Variants in RAB27A observed in about 807,000 individuals in gnomAD.
RAB27A encodes RAB27A, member RAS oncogene family.
In RAB27A, 17 loss-of-function variants were observed where a neutral mutation model predicts 20.8. That is an observed-to-expected ratio of 0.82 (90% CI 0.56 to 1.23). The LOEUF is 1.23. Ranked by LOEUF, RAB27A falls within the 50% of genes most tolerant of loss-of-function variation. The pLI, the probability that RAB27A is intolerant of heterozygous loss-of-function variation, is 0.00. For synonymous variants in RAB27A, 85 were observed against 92.8 expected, an observed-to-expected ratio of 0.92 and a Z score of 0.48; for missense variants, 277 against 266.7, an observed-to-expected ratio of 1.04 and a Z score of -0.27.
chr15:55,206,462 T>C (rs1894657186), intron 6 of RAB27A, among the ~76,000 whole-genome samples: 1 of 152,056 alleles, frequency 6.6e-6, no homozygotes, highest in Non-Finnish European at 1.5e-5. Flanking sequence ...CTACCTCAGC[T>C]TTCCAAGTAG....
At chr15:55,206,556 T>C (rs1894661633) in intron 6 of RAB27A, among the ~76,000 whole-genome samples, 1 of 152,162 alleles carries the variant, frequency 6.6e-6, no homozygotes, top group Non-Finnish European at 1.5e-5. Flanking sequence ...TTGCCCAGGC[T>C]GGTTTCGAAC....
chr15:55,262,632 T>G (rs1897315616), intron 2 of RAB27A, among the ~76,000 whole-genome samples: 1 of 102,714 alleles, frequency 9.7e-6, no homozygotes, highest in Admixed American at 9.0e-5. Flanking sequence ...CTTTTTTTTC[T>G]TTTTTTTTGT....
intron 2 of RAB27A, among the ~76,000 whole-genome samples, chr15:55,256,453 A>G (rs1897082321): frequency 6.6e-6 from 1 of 152,188 alleles, no homozygotes; most frequent in South Asian, 2.1e-4. Flanking sequence ...ACCGTGACTC[A>G]AAGCAAGAGC....
chr15:55,301,846 G>A (rs568101770), intron 2 of RAB27A, among the ~76,000 whole-genome samples: 10 of 151,862 alleles, frequency 6.6e-5, no homozygotes, highest in South Asian at 2.1e-4. Context: ...GGGTTTCACC[G>A]TGTTGGCCAG....
chr15:55,298,543 C>G (rs1438527837), intron 2 of RAB27A, among the ~76,000 whole-genome samples: 1 of 152,170 alleles, frequency 6.6e-6, no homozygotes, highest in Non-Finnish European at 1.5e-5. Flanking sequence ...CACAGGACCA[C>G]AGGACTGGGG....
chr15:55,318,105 T>TTG (rs1007222890), intron 1 of RAB27A, among the ~76,000 whole-genome samples: 2 of 150,014 alleles, frequency 1.3e-5, no homozygotes, highest in African/African-American at 4.9e-5. Flanking sequence ...TTTCTTTTTT[T>TTG]TTTTTTTTTT....
At chr15:55,235,713 G>T (rs1049192702) in intron 2 of RAB27A, among the ~76,000 whole-genome samples, 8 of 151,662 alleles carry the variant, frequency 5.3e-5, no homozygotes, top group Non-Finnish European at 1.0e-4. Context: ...ATTTGCAATT[G>T]CAAACATAAG....
intron 6 of RAB27A, among the ~76,000 whole-genome samples, chr15:55,206,056 C>G (rs2140893099): frequency 6.6e-6 from 1 of 151,858 alleles, no homozygotes; most frequent in South Asian, 2.1e-4. Flanking sequence ...ACAAAAAATA[C>G]AAAAATTAGC....
chr15:55,226,681 G>C (rs1188554375), intron 5 of RAB27A, among the ~76,000 whole-genome samples: 1 of 151,896 alleles, frequency 6.6e-6, no homozygotes, highest in Admixed American at 6.6e-5. Flanking sequence ...GAAACCCCGG[G>C]AGATGGGTGA....
chr15:55,263,286 C>G (rs1897341178), intron 2 of RAB27A, among the ~76,000 whole-genome samples: 1 of 151,916 alleles, frequency 6.6e-6, no homozygotes, highest in African/African-American at 2.4e-5. Flanking sequence ...AGTGAAATAC[C>G]TAATAGGTGC....
At chr15:55,283,877 T>C (rs1407428064) in intron 1 of RAB27A, among the ~76,000 whole-genome samples, 1 of 152,236 alleles carries the variant, frequency 6.6e-6, no homozygotes, top group African/African-American at 2.4e-5. Flanking sequence ...TGACTTTGCT[T>C]TTAACGATAC....
rs1894521833 is a variant in RAB27A, at chr15:55,203,972, A to C, written c.*1535T>G. On this transcript the variant is annotated 3_prime_UTR_variant, in exon 7 of 7. Transcript: ENST00000336787. ...AATTTAGGGGGTACAAGTACAGTTT[A>C]GATACATGAATATATTGTGTAGTCG... is the stretch of plus-strand genomic sequence containing the variant. 6.6e-6 allele frequency: 1 copy of C among 152,222 alleles called. No individual in the cohort carries two copies. The highest frequency in any genetic ancestry group is 1.5e-5 in the Non-Finnish European group (1 of 68,038). 9.4% of individuals were successfully genotyped at this position (152,222 alleles called of 1,614,324 possible).
At chr15:55,316,175 C>A (rs1286738100) in intron 1 of RAB27A, among the ~76,000 whole-genome samples, 1 of 146,374 alleles carries the variant, frequency 6.8e-6, no homozygotes, top group Non-Finnish European at 1.5e-5. Flanking sequence ...GCAGAGGTTG[C>A]AGCAAACCAA....
intron 2 of RAB27A, among the ~76,000 whole-genome samples, chr15:55,254,363 T>C (rs1047571765): frequency 6.6e-6 from 1 of 152,152 alleles, no homozygotes; most frequent in Non-Finnish European, 1.5e-5. Flanking sequence ...TAGGCCTCAA[T>C]GGTACTAATC....
chr15:55,252,943 C>A (rs1267882925), intron 2 of RAB27A, among the ~76,000 whole-genome samples: 1 of 151,690 alleles, frequency 6.6e-6, no homozygotes, highest in African/African-American at 2.4e-5. Flanking sequence ...GACCAGCTGG[C>A]CAACATGGTG....
intron 2 of RAB27A, among the ~76,000 whole-genome samples, chr15:55,268,929 G>A (rs563309945): frequency 1.3e-5 from 2 of 152,208 alleles, no homozygotes; most frequent in African/African-American, 2.4e-5. Flanking sequence ...ATTAGGGTGG[G>A]TCCTAATCCA....
intron 6 of RAB27A, among the ~76,000 whole-genome samples, chr15:55,216,197 T>C (rs1895295347): frequency 6.6e-6 from 1 of 152,046 alleles, no homozygotes; most frequent in Admixed American, 6.6e-5. Flanking sequence ...CAACACAGAA[T>C]TGGGTTAGGT....
rs777196591 is a variant in RAB27A at position 55,228,744 on chromosome 15, ACCACGGCC to A, written c.240-40_240-33del. The A allele has an allele frequency of 1.7e-5, 25 of 1,463,854 alleles. No homozygotes were observed. In the South Asian group the frequency reaches 2.7e-4, roughly 16 times the overall value. The allele number at this position is 1,463,854 out of a possible 1,614,324, so 90.7% of individuals were successfully genotyped here. A position where few individuals can be genotyped will look rare whatever the true frequency, so the allele number is the denominator to read the frequency against. ...ACATAAAAGCAGAATGGTCAGTTAA[ACCACGGCC>A]CCACTCCTGAAATATAAAACTACAA... is the stretch of plus-strand genomic sequence containing the variant. On this transcript the variant is annotated intron_variant, in intron 4 of 6. Coordinates refer to ENST00000336787, the MANE Select transcript of RAB27A (RefSeq NM_183235.3).
At chr15:55,310,580 T>C (rs2055015992) in intron 2 of RAB27A, among the ~76,000 whole-genome samples, 2 of 152,212 alleles carry the variant, frequency 1.3e-5, no homozygotes, top group Admixed American at 6.5e-5. Flanking sequence ...AGGCATTCGA[T>C]TTGCCCAGCT....
Sources: allele counts gnomAD v4.1 joint callset (sites outside exome capture counted in the v4.1 genomes callset), GRCh38; gene constraint gnomAD v4.1.1; transcripts MANE v1.5; gene names NCBI Gene and HGNC (gene_info 2026-07-23, HGNC 2026-07-21).